Variants in MGAT5 observed in about 807,000 individuals in gnomAD.
The protein encoded by MGAT5 is alpha-1,6-mannosylglycoprotein 6-beta-N-acetylglucosaminyltransferase, also known as alpha-1,6-mannosylglycoprotein 6-beta-N-acetylglucosaminyltransferase A.
MGAT5 carries 30 observed loss-of-function variants against 94.3 expected under a neutral mutation model. The observed-to-expected ratio is 0.32, with a 90% CI of 0.24 to 0.43. The LOEUF is 0.43. Ranked by LOEUF, MGAT5 falls within the 20% of genes least tolerant of loss-of-function variation. The probability of loss-of-function intolerance (pLI) is 1.00; values close to 1 mark genes in which losing one functional copy is unlikely to be tolerated. For synonymous variants in MGAT5, 310 were observed against 322.9 expected, an observed-to-expected ratio of 0.96 and a Z score of 0.43; for missense variants, 691 against 905.5, an observed-to-expected ratio of 0.76 and a Z score of 3.04.
At chr2:134,221,317 A>G (rs1423914828) in intron 1 of MGAT5, among the ~76,000 whole-genome samples, 2 of 152,218 alleles carry the variant, frequency 1.3e-5, no homozygotes, top group African/African-American at 2.4e-5. Context: ...CTTCCAGGCT[A>G]TAGGTAAATT....
chr2:134,427,980 TG>T (rs1452037485), intron 13 of MGAT5, among the ~76,000 whole-genome samples: 1 of 152,224 alleles, frequency 6.6e-6, no homozygotes, highest in South Asian at 2.1e-4. Flanking sequence ...AATGTAAAGA[TG>T]ACCCAACAGC....
chr2:134,160,325 CA>C lies in MGAT5; in HGVS notation c.-143+40035del, dbSNP rs563382228. Among the ~76,000 whole-genome samples the C allele has an allele frequency of 4.7e-4, 71 of 152,338 alleles. No homozygotes were observed. The South Asian group carries it at 8.7e-3, about 19-fold the overall frequency. On this transcript the variant is annotated intron_variant, in intron 1 of 16. Transcript: ENST00000409645. ...AGCAGCCGGGACTACAGGCGCCTGC[CA>C]CCAGGCCCGGCTAATTTTTGTATTT...
chr2:134,122,001 C>G (rs1368300654), intron 1 of MGAT5, among the ~76,000 whole-genome samples: 1 of 152,142 alleles, frequency 6.6e-6, no homozygotes, highest in Admixed American at 6.6e-5. Flanking sequence ...CCCTCCTCCC[C>G]CCGTCCTCAC....
At chr2:134,195,409 G>A (rs1679448354) in intron 1 of MGAT5, among the ~76,000 whole-genome samples, 1 of 152,088 alleles carries the variant, frequency 6.6e-6, no homozygotes, top group African/African-American at 2.4e-5. Context: ...GCATTCTGTT[G>A]AACAATTCTT....
upstream of MGAT5, among the ~76,000 whole-genome samples, chr2:134,253,437 G>T (rs1170498718): frequency 1.3e-5 from 2 of 152,152 alleles, no homozygotes; most frequent in African/African-American, 4.8e-5. Flanking sequence ...AGAGTGGCCT[G>T]GTCTGTGCTG....
At chr2:134,230,268 T>C (rs1022711874) in intron 1 of MGAT5, among the ~76,000 whole-genome samples, 5 of 152,174 alleles carry the variant, frequency 3.3e-5, no homozygotes, top group Non-Finnish European at 7.4e-5. Context: ...ACCGCTGATA[T>C]GACAGGAGGT....
intron 11 of MGAT5, among the ~76,000 whole-genome samples, chr2:134,410,219 T>G (rs1162077819): frequency 6.6e-6 from 1 of 152,238 alleles, no homozygotes; most frequent in African/African-American, 2.4e-5. Context: ...CAAGGAAGTT[T>G]ACAGAGTGCT....
chr2:134,407,344 C>G (rs1371138489), intron 11 of MGAT5, among the ~76,000 whole-genome samples: 1 of 152,132 alleles, frequency 6.6e-6, no homozygotes, highest in Non-Finnish European at 1.5e-5. Context: ...CAAGTCATTC[C>G]CATGCCATCT....
Position 134,452,980 on chromosome 2 carries a change from G to A in MGAT5, c.*4133G>A, listed in dbSNP as rs1686181871. 6.6e-6 allele frequency: 1 copy of A among 152,174 alleles called. No homozygotes were observed. Among genetic ancestry groups the A allele is most frequent in the Non-Finnish European group, 1.5e-5 (1 of 68,026 alleles). The allele number at this position is 152,174 out of a possible 1,614,324, so 9.4% of individuals were successfully genotyped here. On this transcript the variant is annotated 3_prime_UTR_variant, in exon 16 of 16. Coordinates refer to ENST00000281923, the MANE Select transcript of MGAT5 (RefSeq NM_002410.5). ...GTTTTTATAGCAAAAGACCAAATTA[G>A]CTGTAGAGTCTTGAATGCAGAAAAA...
At chr2:134,204,438 A>G (rs550405919) in intron 1 of MGAT5, among the ~76,000 whole-genome samples, 2 of 152,292 alleles carry the variant, frequency 1.3e-5, no homozygotes, top group East Asian at 3.9e-4. Context: ...GGTAGTTAGC[A>G]AGTGGTGTGA....
intron 10 of MGAT5, among the ~76,000 whole-genome samples, chr2:134,383,708 AT>A (rs531981933): frequency 0.056 from 8,012 of 142,964 alleles, 603 homozygotes; most frequent in African/African-American, 0.18. Flanking sequence ...TGAGCTAAGC[AT>A]TTTTTTTTTT....
chr2:134,181,307 A>G (rs1035581529), intron 1 of MGAT5, among the ~76,000 whole-genome samples: 2 of 151,978 alleles, frequency 1.3e-5, no homozygotes, highest in African/African-American at 2.4e-5. Flanking sequence ...CAGCGTAAAT[A>G]GTAGTGTTGA....
At chr2:134,362,630 A>T (rs1233667765) in intron 10 of MGAT5, among the ~76,000 whole-genome samples, 2 of 151,988 alleles carry the variant, frequency 1.3e-5, no homozygotes, top group Non-Finnish European at 2.9e-5. Flanking sequence ...AGCCACCTTC[A>T]CTCTCTGCAT....
At chr2:134,125,615 A>T (rs1177922972) in intron 1 of MGAT5, among the ~76,000 whole-genome samples, 1 of 152,234 alleles carries the variant, frequency 6.6e-6, no homozygotes, top group Non-Finnish European at 1.5e-5. Flanking sequence ...AATTGGTAAC[A>T]GTTGATAACG....
At chr2:134,273,538 G>T (rs1364018096) in intron 2 of MGAT5, among the ~76,000 whole-genome samples, 1 of 151,970 alleles carries the variant, frequency 6.6e-6, no homozygotes, top group African/African-American at 2.4e-5. Context: ...TATATCTTCT[G>T]GTTGGCTATA....
At chr2:134,281,711 A>C (rs1684706328) in intron 2 of MGAT5, among the ~76,000 whole-genome samples, 1 of 151,986 alleles carries the variant, frequency 6.6e-6, no homozygotes, top group Non-Finnish European at 1.5e-5. Context: ...GTACCTTCCC[A>C]CTCCAAAATG....
intron 8 of MGAT5, among the ~76,000 whole-genome samples, chr2:134,347,091 A>G (rs1231729534): frequency 6.6e-6 from 1 of 152,192 alleles, no homozygotes; most frequent in Non-Finnish European, 1.5e-5. Flanking sequence ...ACACAGAGAC[A>G]TTAGAGGGAA....
At chr2:134,230,234 G>T (rs1001162239) in intron 1 of MGAT5, among the ~76,000 whole-genome samples, 1 of 152,204 alleles carries the variant, frequency 6.6e-6, no homozygotes, top group African/African-American at 2.4e-5. Context: ...AACAGGGTTT[G>T]TGCTCCTATG....
intron 8 of MGAT5, among the ~76,000 whole-genome samples, chr2:134,348,607 A>G (rs910040533): frequency 6.6e-6 from 1 of 152,230 alleles, no homozygotes; most frequent in African/African-American, 2.4e-5. Flanking sequence ...ATAGTAGGAA[A>G]AAACTGAGCC....
Sources: gnomAD v4.1 joint callset for allele counts (sites outside exome capture counted in the v4.1 genomes callset) on GRCh38, gnomAD v4.1.1 for gene constraint, MANE v1.5 for transcripts, NCBI Gene and HGNC (gene_info 2026-07-23, HGNC 2026-07-21) for gene names.